NUP37: variants seen among roughly 807,000 people sequenced by gnomAD.
NUP37 encodes the protein nucleoporin Nup37.
A neutral mutation model predicts 45.4 loss-of-function variants in NUP37; 33 were observed. The observed-to-expected ratio is 0.73, with a 90% CI of 0.55 to 0.97. NUP37 has a LOEUF of 0.97. NUP37 is among the 50% of genes least tolerant of loss of function. NUP37 has a pLI of 0.00. For missense variants in NUP37, 365 were observed against 389.7 expected, an observed-to-expected ratio of 0.94 and a Z score of 0.53; for synonymous variants, 127 against 130.7, an observed-to-expected ratio of 0.97 and a Z score of 0.19.
intron 3 of NUP37, among the ~76,000 whole-genome samples, chr12:102,105,046 T>A (rs1880091555): frequency 1.3e-5 from 2 of 152,216 alleles, no homozygotes; most frequent in South Asian, 4.1e-4. Context: ...TTTAACACTA[T>A]GAAATCTTTC....
intron 5 of NUP37, among the ~76,000 whole-genome samples, chr12:102,087,511 T>C (rs961482830): frequency 6.6e-6 from 1 of 152,208 alleles, no homozygotes; most frequent in African/African-American, 2.4e-5. Flanking sequence ...ACAATTACAA[T>C]TTAATTGAAG....
Position 102,090,639 on chromosome 12 carries a change from G to C in NUP37, c.450-4783C>G, listed in dbSNP as rs571896594. On this transcript the variant is annotated intron_variant, in intron 5 of 9. Transcript: ENST00000552283. Reference sequence around the variant, plus strand: ...TCACTCATATTAGGTATGTGTGACAGTTTTAAAAGATTAAATAATAAAAAT... The same window carrying C: ...TCACTCATATTAGGTATGTGTGACACTTTTAAAAGATTAAATAATAAAAAT... Among the ~76,000 whole-genome samples, 3 of 152,250 alleles carry C rather than the reference G, an allele frequency of 2.0e-5. No homozygotes were observed. The South Asian group carries it at 6.2e-4, about 32-fold the overall frequency.
intron 5 of NUP37, among the ~76,000 whole-genome samples, chr12:102,098,638 T>A (rs534879075): frequency 2.6e-4 from 39 of 152,204 alleles, no homozygotes; most frequent in Non-Finnish European, 4.6e-4. Flanking sequence ...TTCAAGCGAT[T>A]CCCTTGCCTC....
intron 9 of NUP37, 83 bp from the exon 10 acceptor site, chr12:102,074,550 C>A (rs1440986291): frequency 3.8e-6 from 3 of 784,320 alleles, no homozygotes; most frequent in East Asian, 2.7e-5. Flanking sequence ...ATATGAAATG[C>A]ATTGATGATT....
intron 2 of NUP37, among the ~76,000 whole-genome samples, chr12:102,116,426 G>A (rs1056698723): frequency 5.9e-5 from 9 of 152,144 alleles, no homozygotes; most frequent in African/African-American, 2.2e-4. Flanking sequence ...TCTTTTTCAA[G>A]TACGTAACAT....
chr12:102,105,999 G>C lies in NUP37; in HGVS notation c.282-4895C>G, dbSNP rs534586817. 2.6e-4 allele frequency among the ~76,000 whole-genome samples: 40 copies of C among 152,206 alleles called. No individual in the cohort carries two copies. The South Asian group carries it at 7.5e-3, about 28-fold the overall frequency. ...AAAGGATACTAAGATGATCATCCTG[G>C]ATCTAGGGTGGGCCCAAAATTTAAC... On this transcript the variant is annotated intron_variant, in intron 3 of 9. Transcript: ENST00000552283.
rs1010531767 is a variant in NUP37, at chr12:102,107,071, T to C, written c.281+5037A>G. ...TATATAAACCCCTAATTTTAGTGGG[T>C]TAGTGAGATGGATTTGAGACTTATC... On this transcript the variant is annotated intron_variant, in intron 3 of 9. Transcript: ENST00000552283. Among the ~76,000 whole-genome samples, 4 of 152,178 alleles carry C rather than the reference T, an allele frequency of 2.6e-5. No homozygotes were observed. In the East Asian group the frequency reaches 5.8e-4, roughly 22 times the overall value.
At chr12:102,093,046 G>A (rs879326398) in intron 5 of NUP37, among the ~76,000 whole-genome samples, 6 of 152,108 alleles carry the variant, frequency 3.9e-5, no homozygotes, top group Non-Finnish European at 1.5e-5. Context: ...TGACTTCAGA[G>A]CAAGAATTAA....
At chr12:102,098,527 A>C (rs1879877887) in intron 5 of NUP37, among the ~76,000 whole-genome samples, 1 of 151,284 alleles carries the variant, frequency 6.6e-6, no homozygotes, top group African/African-American at 2.4e-5. Flanking sequence ...TTGATCCAAT[A>C]TGTTTGTGTT....
intron 2 of NUP37, among the ~76,000 whole-genome samples, chr12:102,116,106 G>T (rs1204906151): frequency 2.0e-5 from 3 of 152,148 alleles, no homozygotes; most frequent in Non-Finnish European, 4.4e-5. Context: ...CAATACATGT[G>T]ACCATAAACT....
chr12:102,116,872 C>T (rs1394166867), intron 2 of NUP37, among the ~76,000 whole-genome samples: 3 of 152,044 alleles, frequency 2.0e-5, no homozygotes, highest in East Asian at 1.9e-4. Context: ...CATGGTGGCA[C>T]GTGCCTGTAA....
At chr12:102,107,215 G>A (rs907838487) in intron 3 of NUP37, among the ~76,000 whole-genome samples, 4 of 152,068 alleles carry the variant, frequency 2.6e-5, no homozygotes, top group East Asian at 1.9e-4. Context: ...CTTGTATTTC[G>A]GTAACAATGG....
intron 5 of NUP37, among the ~76,000 whole-genome samples, chr12:102,090,311 A>G (rs962479099): frequency 6.6e-6 from 1 of 152,074 alleles, no homozygotes; most frequent in Non-Finnish European, 1.5e-5. Flanking sequence ...TTGTAAACAC[A>G]GTGTACAGTA....
chr12:102,119,228 G>A (rs948910160), intron 1 of NUP37: 2 of 152,218 alleles, frequency 1.3e-5, no homozygotes, highest in African/African-American at 4.8e-5. Context: ...CTGTTGTTAA[G>A]GAGTACCAAA....
At chr12:102,118,288 T>C in intron 2 of NUP37, 75 bp downstream of exon 2, 1 of 1,372,742 alleles carries the variant, frequency 7.3e-7, no homozygotes, top group Non-Finnish European at 9.9e-7. Context: ...CTTTCAAAGT[T>C]TAGATTTGGT....
intron 2 of NUP37, among the ~76,000 whole-genome samples, chr12:102,113,632 C>T (rs946366674): frequency 6.6e-5 from 10 of 152,112 alleles, no homozygotes; most frequent in Admixed American, 5.9e-4. Flanking sequence ...GCCAAATTTT[C>T]GCGACAAATT....
chr12:102,091,995 G>T (rs1318746396), intron 5 of NUP37, among the ~76,000 whole-genome samples: 9 of 152,022 alleles, frequency 5.9e-5, no homozygotes, highest in Non-Finnish European at 1.3e-4. Flanking sequence ...TAACAAAAAG[G>T]TCCCATAAAT....
intron 6 of NUP37, among the ~76,000 whole-genome samples, chr12:102,081,916 T>G (rs1191483687): frequency 7.9e-5 from 12 of 152,100 alleles, no homozygotes; most frequent in Non-Finnish European, 1.6e-4. Flanking sequence ...CAGGCTGGTC[T>G]CCAACTACTG....
chr12:102,114,205 C>T (rs1880395915), intron 2 of NUP37, among the ~76,000 whole-genome samples: 1 of 152,220 alleles, frequency 6.6e-6, no homozygotes, highest in African/African-American at 2.4e-5. Context: ...TTTTTCCAAA[C>T]TTGACAAATC....
Sources: gnomAD v4.1 joint callset for allele counts (sites outside exome capture counted in the v4.1 genomes callset) on GRCh38, gnomAD v4.1.1 for gene constraint, MANE v1.5 for transcripts, NCBI Gene and HGNC (gene_info 2026-07-23, HGNC 2026-07-21) for gene names.